The following NANS variants were observed in gnomAD, a reference collection of about 807,000 sequenced individuals.
NANS encodes the protein N-acetylneuraminate synthase, also known as N-acetylneuraminate-9-phosphate synthase.
A neutral mutation model predicts 33.3 loss-of-function variants in NANS; 29 were observed. That is an observed-to-expected ratio of 0.87 (90% CI 0.65 to 1.19). The LOEUF is 1.19. Among genes scored for constraint, NANS ranks in the 50% most tolerant of loss-of-function variants. The pLI is 0.00. For missense variants in NANS, 394 were observed against 461.1 expected (o/e 0.85, Z 1.33); for synonymous variants, 163 against 177.2 (o/e 0.92, Z 0.64).
chr9:98,065,675 C>T (rs893396337), intron 2 of NANS, among the ~76,000 whole-genome samples: 2 of 149,382 alleles, frequency 1.3e-5, no homozygotes, highest in African/African-American at 2.5e-5. Flanking sequence ...AGAATGATAA[C>T]GGTTTGGCTG....
chr9:98,071,573 A>T (rs1481124050), intron 2 of NANS, among the ~76,000 whole-genome samples: 1 of 152,228 alleles, frequency 6.6e-6, no homozygotes, highest in African/African-American at 2.4e-5. Flanking sequence ...TAAGGAAAGC[A>T]ACCTGGGCTA....
intron 4 of NANS, among the ~76,000 whole-genome samples, chr9:98,079,614 T>C (rs1388223246): frequency 2.0e-5 from 3 of 152,232 alleles, no homozygotes; most frequent in Non-Finnish European, 2.9e-5. Flanking sequence ...CTGTGAAATA[T>C]GTAATGTCGA....
Position 98,060,558 on chromosome 9 carries a change from T to A in NANS, c.133-224T>A, listed in dbSNP as rs7038592. The stretch of plus-strand genomic sequence containing the variant: ...CGTGGTGGGTGCCTGTAATCCCAGC[T>A]ACTTGGGAGGCTGAGGCAGGAGAAT... On this transcript the variant is annotated intron_variant, in intron 1 of 5. Coordinates refer to ENST00000210444, the MANE Select transcript of NANS (RefSeq NM_018946.4). Among the ~76,000 whole-genome samples the A allele has an allele frequency of 0.3, 45,113 of 151,938 alleles. 8,400 individuals carry two copies. The highest frequency in any genetic ancestry group is 0.52 in the African/African-American group (21,557 of 41,428).
chr9:98,061,072 T>C, intron 2 of NANS, 75 bp downstream of exon 2: 1 of 1,423,538 alleles, frequency 7.0e-7, no homozygotes, highest in Non-Finnish European at 9.9e-7. Flanking sequence ...GACTTCCGGC[T>C]TAGGGCCACC....
At chr9:98,081,802 A>G (rs1829875216) in intron 5 of NANS, 1 of 152,230 alleles carries the variant, frequency 6.6e-6, no homozygotes, top group African/African-American at 2.4e-5. Context: ...GACTGTTGTC[A>G]CCTTTTATTC....
intron 5 of NANS, among the ~76,000 whole-genome samples, chr9:98,082,536 A>G (rs899539379): frequency 6.6e-6 from 1 of 152,246 alleles, no homozygotes; most frequent in Non-Finnish European, 1.5e-5. Context: ...ATAAGTTTCC[A>G]TTTGACAGAG....
At chr9:98,073,271 CTTTTTTTTTTTTTT>C (rs10606237) in intron 2 of NANS, among the ~76,000 whole-genome samples, 14 of 57,824 alleles carry the variant, frequency 2.4e-4, no homozygotes, top group Admixed American at 4.3e-4. Flanking sequence ...TCACCATGGG[CTTTTTTTTTTTTTT>C]TTTTTTTTTT....
At chr9:98,073,860 C>T (rs1259690376) in intron 2 of NANS, among the ~76,000 whole-genome samples, 1 of 152,146 alleles carries the variant, frequency 6.6e-6, no homozygotes, top group Non-Finnish European at 1.5e-5. Flanking sequence ...GACCTCAGCT[C>T]AGTGCAGCCT....
chr9:98,077,089 C>G, intron 3 of NANS, 72 bp downstream of exon 3: 1 of 1,118,508 alleles, frequency 8.9e-7, no homozygotes. Flanking sequence ...CTCATGGTGG[C>G]CCACTTTCAG....
intron 2 of NANS, among the ~76,000 whole-genome samples, chr9:98,064,258 AT>A (rs879792592): frequency 6.6e-4 from 96 of 145,280 alleles, no homozygotes; most frequent in Admixed American, 6.2e-4. Flanking sequence ...CTAATTCCCT[AT>A]TTTTTTTTTT....
rs765860925 is a variant in NANS, at chr9:98,081,099, T to C, written c.870+17T>C. ...AATGAGAAGGTGTGTCCTGCCGGAC[T>C]CTACTCGGTTCTGCTGCCGTGTGTG... On this transcript the variant is annotated intron_variant, in intron 5 of 5. Transcript: ENST00000210444. 4 of 1,613,382 alleles carry C rather than the reference T, an allele frequency of 2.5e-6. No homozygotes were observed. Among genetic ancestry groups the C allele is most frequent in the Non-Finnish European group, 3.4e-6 (4 of 1,179,556 alleles).
At chr9:98,057,090 C>A in intron 1 of NANS, 150 bp downstream of exon 1, 1 of 1,173,842 alleles carries the variant, frequency 8.5e-7, no homozygotes, top group Non-Finnish European at 1.2e-6. Flanking sequence ...TCCTTCGGAT[C>A]CCTCTTCCTC....
chr9:98,059,997 G>A (rs555840270), intron 1 of NANS, among the ~76,000 whole-genome samples: 1 of 152,294 alleles, frequency 6.6e-6, no homozygotes, highest in South Asian at 2.1e-4. Context: ...TACACATCCT[G>A]GAGGTAGCCC....
chr9:98,062,331 T>G (rs1403624941), intron 2 of NANS, among the ~76,000 whole-genome samples: 2 of 152,010 alleles, frequency 1.3e-5, no homozygotes, highest in East Asian at 1.9e-4. Context: ...GCTCACAGGA[T>G]GGTCACCGGT....
Position 98,081,000 on chromosome 9 carries a change from T to A in NANS, c.788T>A (p.Val263Glu). ...SLEPGELAEL[V>E]RSVRLVERAL... Reference sequence around the variant, plus strand: ...GAGCCTGGAGAACTGGCCGAGCTGGTGCGGTCAGTGCGTCTTGTGGAGCGT... The same window carrying A: ...GAGCCTGGAGAACTGGCCGAGCTGGAGCGGTCAGTGCGTCTTGTGGAGCGT... Residue 263 changes from valine (V) to glutamate (E), a missense_variant, in exon 5 of 6, where the codon GTG becomes GAG. By Grantham distance (121) the Val-to-Glu change is moderately radical. Transcript: ENST00000210444. The A allele has an allele frequency of 6.2e-7, 1 of 1,614,158 alleles. No individual in the cohort carries two copies. Among genetic ancestry groups the A allele is most frequent in the Non-Finnish European group, 8.5e-7 (1 of 1,180,026 alleles).
In NANS at chr9:98,056,945, G is replaced by C. The variant is rs1828842735; in HGVS notation, c.132+5G>C. On this transcript the variant is annotated splice_donor_5th_base_variant and intron_variant, in intron 1 of 5. Coordinates refer to ENST00000210444, the MANE Select transcript of NANS (RefSeq NM_018946.4). ...CGCATGATCCGCATGGCCAAGGTGA[G>C]GCGGCAGCTCCCGGGACCCGGGATT... 6.3e-7 allele frequency: 1 copy of C among 1,580,478 alleles called. No individual in the cohort carries two copies. Among genetic ancestry groups the C allele is most frequent in the South Asian group, 1.1e-5 (1 of 88,462 alleles).
rs1829823070 is a variant in NANS at position 98,080,886 on chromosome 9, T to C, written c.674T>C (p.Val225Ala). ...CATGAAACAGGCATAGCGATATCTGTGGCCGCAGTGGCTCTGGGGGCCAAG... is the reference window on the plus strand; with the variant it reads ...CATGAAACAGGCATAGCGATATCTGCGGCCGCAGTGGCTCTGGGGGCCAAG... ...SGHETGIAISVAAVALGAKVL... is the reference protein window; with the variant it reads ...SGHETGIAISAAAVALGAKVL... Residue 225 changes from valine to alanine, a missense_variant, in exon 5 of 6, where the codon GTG becomes GCG. Val to Ala is a moderately conservative substitution (Grantham distance 64). Transcript: ENST00000210444. 1 of 1,614,128 alleles carries C rather than the reference T, an allele frequency of 6.2e-7. No individual in the cohort carries two copies. Among genetic ancestry groups the C allele is most frequent in the East Asian group, 2.2e-5 (1 of 44,886 alleles).
chr9:98,075,150 T>TA (rs200760287), intron 2 of NANS: 401 of 137,760 alleles, frequency 2.9e-3, no homozygotes, highest in African/African-American at 5.8e-3. Context: ...CACAGCAAAT[T>TA]AAAAAAAAAA....
chr9:98,071,311 C>T (rs1829330090), intron 2 of NANS, among the ~76,000 whole-genome samples: 1 of 152,206 alleles, frequency 6.6e-6, no homozygotes, highest in Admixed American at 6.6e-5. Flanking sequence ...TGCTGTGTGG[C>T]CCATACCCGG....
Sources: allele counts gnomAD v4.1 joint callset (sites outside exome capture counted in the v4.1 genomes callset), GRCh38; gene constraint gnomAD v4.1.1; transcripts MANE v1.5; gene names NCBI Gene and HGNC (gene_info 2026-07-23, HGNC 2026-07-21).